CRACR2A: variants seen among roughly 807,000 people sequenced by gnomAD.
CRACR2A encodes calcium release activated channel regulator 2A.
CRACR2A carries 79 observed loss-of-function variants against 90.5 expected under a neutral mutation model. The ratio of observed to expected loss-of-function variants is 0.87; its 90% CI spans 0.73 to 1.05. CRACR2A has a LOEUF of 1.05. Ranked by LOEUF, CRACR2A falls within the 50% of genes least tolerant of loss-of-function variation. The pLI is 0.00. For missense variants in CRACR2A, 823 were observed against 897.2 expected (o/e 0.92, Z 1.06); for synonymous variants, 338 against 356.7 (o/e 0.95, Z 0.59).
At chr12:3,703,669 C>T (rs777306605) in intron 3 of CRACR2A, among the ~76,000 whole-genome samples, 1 of 152,206 alleles carries the variant, frequency 6.6e-6, no homozygotes, top group Non-Finnish European at 1.5e-5. Context: ...TTACAAAACA[C>T]ATATCTAATA....
chr12:3,740,508 AT>A (rs1946508353), intron 1 of CRACR2A, among the ~76,000 whole-genome samples: 1 of 152,136 alleles, frequency 6.6e-6, no homozygotes, highest in African/African-American at 2.4e-5. Context: ...TATTTTATTT[AT>A]GAGGCAATAA....
chr12:3,720,285 GAAAGAA>G (rs1946139920), intron 2 of CRACR2A, among the ~76,000 whole-genome samples: 2 of 133,404 alleles, frequency 1.5e-5, no homozygotes, highest in African/African-American at 5.6e-5. Flanking sequence ...GAGAGAGAAA[GAAAGAA>G]AGAAAAAGAA....
rs773874892 is a variant in CRACR2A, at chr12:3,648,581, C to A, written c.1079G>T (p.Arg360Leu). ...EVYRVTESLQ[R>L]EKAGLLKQLD... Reference sequence around the variant, plus strand: ...CTGCTTGAGGAGCCCGGCCTTCTCACGCTGTAGACTCTCCGTCACACGGTA... The same window carrying A: ...CTGCTTGAGGAGCCCGGCCTTCTCAAGCTGTAGACTCTCCGTCACACGGTA... Residue 360 changes from arginine (R) to leucine (L), a missense_variant, in exon 11 of 20, where the codon CGT becomes CTT. Transcript: ENST00000440314. 6.2e-7 allele frequency: 1 copy of A among 1,614,114 alleles called. No individual in the cohort carries two copies. The highest frequency in any genetic ancestry group is 8.5e-7 in the Non-Finnish European group (1 of 1,180,008).
intron 7 of CRACR2A, among the ~76,000 whole-genome samples, chr12:3,669,989 C>T (rs543148044): frequency 6.6e-6 from 1 of 152,364 alleles, no homozygotes; most frequent in Admixed American, 6.5e-5. Flanking sequence ...GCAACGCTGT[C>T]TAATGTTTCA....
At position 3,746,246 on chromosome 12, in the gene CRACR2A, T is replaced by C. The variant is rs1181042177; in HGVS notation, c.-387+6769A>G. Among the ~76,000 whole-genome samples the C allele has an allele frequency of 6.6e-6, 1 of 152,172 alleles. No homozygotes were observed. Among genetic ancestry groups the C allele is most frequent in the African/African-American group, 2.4e-5 (1 of 41,432 alleles). On this transcript the variant is annotated intron_variant, in intron 1 of 19. Coordinates refer to ENST00000440314, the MANE Select transcript of CRACR2A (RefSeq NM_001144958.2). The surrounding 1 kb of genome is among the most constrained non-coding windows in gnomAD (Gnocchi z 4.4). ...GTTGAAGCCCTAACTCTCAATGTGA[T>C]GGTATTTGGAGGTGAGGACTTTAGG...
At chr12:3,651,434 C>G (rs902955419) in intron 10 of CRACR2A, among the ~76,000 whole-genome samples, 22 of 152,218 alleles carry the variant, frequency 1.4e-4, no homozygotes, top group Non-Finnish European at 8.8e-5. Context: ...AACGTATAAC[C>G]TTTTGTGCCT....
chr12:3,704,256 A>T (rs1167328115), intron 3 of CRACR2A, among the ~76,000 whole-genome samples: 2 of 152,262 alleles, frequency 1.3e-5, no homozygotes, highest in African/African-American at 4.8e-5. Context: ...CAAAATGAAC[A>T]AATCTCAAAA....
intron 3 of CRACR2A, among the ~76,000 whole-genome samples, chr12:3,706,012 G>C (rs1422159547): frequency 6.6e-6 from 1 of 152,064 alleles, no homozygotes; most frequent in African/African-American, 2.4e-5. Context: ...TTCTGGAAAA[G>C]GGAATCAGCA....
Position 3,656,391 on chromosome 12 carries a change from G to C in CRACR2A, c.778C>G (p.Gln260Glu), listed in dbSNP as rs1243297267. ...TGCTCCAGCTCTTGACTGCGGGCTTGAAACCTCTCTGTGTCCTGCCAAGCC... is the reference window on the plus strand; with the variant it reads ...TGCTCCAGCTCTTGACTGCGGGCTTCAAACCTCTCTGTGTCCTGCCAAGCC... The part of the protein sequence containing the change: ...QFLLKDTERF[Q>E]ARSQELEQKL... The change falls in exon 9 of 20, where the codon CAA (glutamine) becomes GAA (glutamate). Residue 260 changes from glutamine (Q) to glutamate (E), a missense_variant. By Grantham distance (29) the Gln-to-Glu change is conservative. Coordinates refer to ENST00000440314, the MANE Select transcript of CRACR2A (RefSeq NM_001144958.2). 1.9e-6 allele frequency: 3 copies of C among 1,613,920 alleles called. No individual in the cohort carries two copies. Among genetic ancestry groups the C allele is most frequent in the Non-Finnish European group, 2.5e-6 (3 of 1,180,034 alleles).
intron 6 of CRACR2A, among the ~76,000 whole-genome samples, chr12:3,678,395 G>A (rs17836263): frequency 0.23 from 35,137 of 152,084 alleles, 4,782 homozygotes; most frequent in East Asian, 0.47. Context: ...CTGGTTTGCC[G>A]AGGATACCGT....
chr12:3,726,784 T>C (rs241976), intron 2 of CRACR2A: 21,571 of 150,954 alleles, frequency 0.14, 1,715 homozygotes, highest in Admixed American at 0.23. Context: ...GTTTCCAGTC[T>C]GGAAATCCCA....
chr12:3,629,847 AAGGG>A (rs1396406263), intron 15 of CRACR2A, among the ~76,000 whole-genome samples: 25 of 81,118 alleles, frequency 3.1e-4, no homozygotes, highest in East Asian at 1.4e-3. Flanking sequence ...AGGAAAAGAC[AAGGG>A]GGGGGGGGGA....
chr12:3,627,521 C>G lies in CRACR2A; in HGVS notation c.1847G>C (p.Arg616Thr), dbSNP rs761814626. The G allele has an allele frequency of 3.9e-5, 61 of 1,551,622 alleles. No individual in the cohort carries two copies. Among genetic ancestry groups the G allele is most frequent in the Non-Finnish European group, 4.7e-5 (54 of 1,147,028 alleles). Reference protein sequence around the residue: ...RYRCITQQFFRKADGVIVMYD... With the variant: ...RYRCITQQFFTKADGVIVMYD... ...CATGACGATGACACCATCTGCCTTT[C>G]TGAAGAACTGCTGGGTGATGCACCG... is the stretch of plus-strand genomic sequence containing the variant. Residue 616 changes from arginine (R) to threonine (T), a missense_variant, in exon 17 of 20, where the codon AGA (arginine) becomes ACA (threonine). By Grantham distance (71) the Arg-to-Thr change is moderately conservative. Transcript: ENST00000440314.
At chr12:3,702,723 A>G (rs1201194156) in intron 3 of CRACR2A, among the ~76,000 whole-genome samples, 3 of 152,238 alleles carry the variant, frequency 2.0e-5, no homozygotes, top group African/African-American at 4.8e-5. Context: ...TCCTAAGTCC[A>G]ATAGATTCAT....
intron 4 of CRACR2A, among the ~76,000 whole-genome samples, chr12:3,684,067 C>T (rs753462333): frequency 7.2e-5 from 11 of 152,178 alleles, no homozygotes; most frequent in Non-Finnish European, 1.3e-4. Context: ...AGTCACCAGC[C>T]CAGTAACATA....
chr12:3,701,182 T>C (rs1158062242), intron 3 of CRACR2A, among the ~76,000 whole-genome samples: 1 of 151,436 alleles, frequency 6.6e-6, no homozygotes, highest in South Asian at 2.1e-4. Context: ...AAGCACAATA[T>C]ATCAAATGTT....
chr12:3,667,203 C>T (rs531419081), intron 7 of CRACR2A, among the ~76,000 whole-genome samples: 49 of 152,350 alleles, frequency 3.2e-4, no homozygotes, highest in African/African-American at 1.1e-3. Flanking sequence ...AGGGTCAAAA[C>T]AGTGAAGTAA....
At chr12:3,625,585 C>T (rs970082813) in intron 17 of CRACR2A, among the ~76,000 whole-genome samples, 2 of 148,176 alleles carry the variant, frequency 1.3e-5, no homozygotes, top group African/African-American at 5.0e-5. Context: ...TTAGGCCTTC[C>T]CTTTCTTCAC....
intron 6 of CRACR2A, among the ~76,000 whole-genome samples, chr12:3,675,391 T>C (rs1217143271): frequency 6.6e-6 from 1 of 152,122 alleles, no homozygotes; most frequent in Non-Finnish European, 1.5e-5. Flanking sequence ...TACAAATTCA[T>C]ATGTTTAAAT....
Sources: gnomAD v4.1 joint callset for allele counts (sites outside exome capture counted in the v4.1 genomes callset) on GRCh38, gnomAD v4.1.1 for gene constraint, Gnocchi (gnomAD v3.1) non-coding constraint, MANE v1.5 for transcripts, NCBI Gene and HGNC (gene_info 2026-07-23, HGNC 2026-07-21) for gene names.